The following C10orf71 variants were observed in gnomAD, a reference collection of about 807,000 sequenced individuals.
C10orf71 encodes cardiac-enriched FHL2-interacting protein.
For missense variants in C10orf71, 1,869 were observed against 1,804.5 expected (o/e 1.04, Z -0.65); for synonymous variants, 758 against 726.3 (o/e 1.04, Z -0.70).
At chr10:49,312,042 G>A (rs547202341) in intron 1 of C10orf71, among the ~76,000 whole-genome samples, 41 of 152,276 alleles carry the variant, frequency 2.7e-4, no homozygotes, top group African/African-American at 6.5e-4. Context: ...AGGGTATTTC[G>A]GTGCTTATCT....
At chr10:49,300,005 A>G (rs1200467859) in intron 1 of C10orf71, among the ~76,000 whole-genome samples, 1 of 152,228 alleles carries the variant, frequency 6.6e-6, no homozygotes, top group African/African-American at 2.4e-5. Flanking sequence ...CCCACAGGGT[A>G]TGCTTGACTG....
At chr10:49,306,489 G>A (rs529318305) in intron 1 of C10orf71, among the ~76,000 whole-genome samples, 2 of 152,328 alleles carry the variant, frequency 1.3e-5, no homozygotes, top group South Asian at 4.1e-4. Context: ...CCAGAATCCA[G>A]GGCAAGATGT....
chr10:49,323,261 C>A lies in C10orf71; in HGVS notation c.716C>A (p.Ala239Asp). The A allele has an allele frequency of 6.2e-7, 1 of 1,613,922 alleles. No homozygotes were observed. The highest frequency in any genetic ancestry group is 1.1e-5 in the South Asian group (1 of 91,060). Reference protein sequence around the residue: ...CHGSSSFLPAANDTATLCESK... With the variant: ...CHGSSSFLPADNDTATLCESK... The stretch of plus-strand genomic sequence containing the variant: ...GGCTCCAGCAGCTTCCTCCCAGCAG[C>A]CAATGACACGGCCACCTTATGTGAG... The change falls in exon 3 of 3, where the codon GCC becomes GAC. Residue 239 changes from alanine to aspartate, a missense_variant. Coordinates refer to ENST00000374144, the MANE Select transcript of C10orf71 (RefSeq NM_001135196.2).
rs532476559 is a variant in C10orf71, at chr10:49,316,263, A to G, written c.-145+16A>G. 1 of 152,158 alleles carries G rather than the reference A, an allele frequency of 6.6e-6. No individual in the cohort carries two copies. Among genetic ancestry groups the G allele is most frequent in the East Asian group, 1.9e-4 (1 of 5,172 alleles). The allele number at this position is 152,158 out of a possible 1,614,324, so 9.4% of individuals were successfully genotyped here. A position where few individuals can be genotyped will look rare whatever the true frequency, so the allele number is the denominator to read the frequency against. On this transcript the variant is annotated intron_variant, in intron 2 of 2. Coordinates refer to ENST00000374144, the MANE Select transcript of C10orf71 (RefSeq NM_001135196.2). ...GCTGTAACAGGTATGGAACTAATCTAAGAGTAGGCATCTAGAAACACCTTC... is the reference window on the plus strand; with the variant it reads ...GCTGTAACAGGTATGGAACTAATCTGAGAGTAGGCATCTAGAAACACCTTC...
intron 2 of C10orf71, among the ~76,000 whole-genome samples, chr10:49,318,589 C>T (rs1849038553): frequency 6.6e-6 from 1 of 152,220 alleles, no homozygotes; most frequent in African/African-American, 2.4e-5. Context: ...TTCACAGAAA[C>T]CAGTCAGTCT....
chr10:49,314,025 A>T (rs866518077), intron 1 of C10orf71, among the ~76,000 whole-genome samples: 1 of 152,184 alleles, frequency 6.6e-6, no homozygotes, highest in Non-Finnish European at 1.5e-5. Flanking sequence ...GAAGAGACTA[A>T]ACATCCAGAC....
intron 1 of C10orf71, among the ~76,000 whole-genome samples, chr10:49,310,776 A>AGATGAT (rs10661682): frequency 6.0e-4 from 89 of 148,896 alleles, no homozygotes; most frequent in South Asian, 2.0e-3. Flanking sequence ...TCAGGTAGCC[A>AGATGAT]GATGATGATG....
chr10:49,298,346 A>G (rs1023661179), upstream of C10orf71, among the ~76,000 whole-genome samples: 42 of 152,088 alleles, frequency 2.8e-4, no homozygotes, highest in East Asian at 3.9e-4. Flanking sequence ...AGAAAGGGGG[A>G]AAAAAACCCA....
Position 49,325,737 on chromosome 10 carries a change from G to T in C10orf71, c.3192G>T (p.Glu1064Asp). The T allele has an allele frequency of 1.0e-5, 16 of 1,551,492 alleles. No homozygotes were observed. The highest frequency in any genetic ancestry group is 1.4e-5 in the Non-Finnish European group (16 of 1,146,874). The change falls in exon 3 of 3, where the codon GAG becomes GAT. Residue 1064 changes from glutamate to aspartate, a missense_variant. Physicochemically the swap from Glu to Asp is conservative, Grantham distance 45 (BLOSUM62 2). Coordinates refer to ENST00000374144, the MANE Select transcript of C10orf71 (RefSeq NM_001135196.2). ...CCCCCAACCCCGGCTCCCCCGGGGA[G>T]AGCAGTGCCTGCTCCCCTGCTGCCA... ...ANSPNPGSPG[E>D]SSACSPAASN...
chr10:49,303,608 G>T (rs550650392), intron 1 of C10orf71, among the ~76,000 whole-genome samples: 3 of 152,350 alleles, frequency 2.0e-5, no homozygotes, highest in East Asian at 1.9e-4. Flanking sequence ...GAAGGGAAAG[G>T]GGGGCAAGGG....
rs368089056 is a variant in C10orf71, at chr10:49,327,292, C to T, written c.*439C>T. On this transcript the variant is annotated 3_prime_UTR_variant, in exon 3 of 3. Coordinates refer to ENST00000374144, the MANE Select transcript of C10orf71 (RefSeq NM_001135196.2). ...CTCCTTGATGAGCAAACCCCTAAGG[C>T]CCCCAGCTCAGACTCAGCAGGCATT... 1 of 279,302 alleles carries T rather than the reference C, an allele frequency of 3.6e-6. No individual in the cohort carries two copies. The highest frequency in any genetic ancestry group is 7.6e-6 in the Non-Finnish European group (1 of 132,190). 17.3% of individuals were successfully genotyped at this position (279,302 alleles called of 1,614,324 possible).
Position 49,325,081 on chromosome 10 carries a change from T to A in C10orf71, c.2536T>A (p.Ser846Thr). ...GGCCAAAGACCTTACTCCCTCACCA[T>A]CTTCTGCTTCAAACAGGCACATGCT... ...SQAKDLTPSP[S>T]SASNRHMLFT... The change falls in exon 3 of 3, where the codon TCT (serine) becomes ACT (threonine). Residue 846 changes from serine (S) to threonine (T), a missense_variant. Coordinates refer to ENST00000374144, the MANE Select transcript of C10orf71 (RefSeq NM_001135196.2). The A allele has an allele frequency of 6.4e-7, 1 of 1,551,798 alleles. No individual in the cohort carries two copies.
intron 1 of C10orf71, among the ~76,000 whole-genome samples, chr10:49,308,777 T>A (rs1197586462): frequency 6.6e-6 from 1 of 152,170 alleles, no homozygotes; most frequent in Non-Finnish European, 1.5e-5. Context: ...TAAGCTTAAG[T>A]CACGCTTACG....
In C10orf71 at chr10:49,324,119, A is replaced by T. The variant is rs368697466; in HGVS notation, c.1574A>T (p.Glu525Val). The T allele has an allele frequency of 6.2e-7, 1 of 1,613,990 alleles. No individual in the cohort carries two copies. The highest frequency in any genetic ancestry group is 8.5e-7 in the Non-Finnish European group (1 of 1,179,884). ...SSSPLLKVLD[E>V]KTRGKVDGKQ... ...TCACCTCTCTTGAAAGTGCTTGATG[A>T]GAAAACTAGAGGTAAGGTTGATGGA... Residue 525 changes from glutamate (E) to valine (V), a missense_variant, in exon 3 of 3, where the codon GAG becomes GTG. Physicochemically the swap from Glu to Val is moderately radical, Grantham distance 121. Coordinates refer to ENST00000374144, the MANE Select transcript of C10orf71 (RefSeq NM_001135196.2).
chr10:49,327,049 C>T lies in C10orf71; in HGVS notation c.*196C>T. On this transcript the variant is annotated 3_prime_UTR_variant, in exon 3 of 3. Coordinates refer to ENST00000374144, the MANE Select transcript of C10orf71 (RefSeq NM_001135196.2). Reference sequence around the variant, plus strand: ...AAGACGACCTCACCCAAAGGGCTCCCTGGCTCTCCTCTGATGGAGGGGCAC... The same window carrying T: ...AAGACGACCTCACCCAAAGGGCTCCTTGGCTCTCCTCTGATGGAGGGGCAC... The T allele has an allele frequency of 4.5e-6, 7 of 1,551,132 alleles. No individual in the cohort carries two copies. Among genetic ancestry groups the T allele is most frequent in the Non-Finnish European group, 6.1e-6 (7 of 1,144,564 alleles).
Position 49,323,992 on chromosome 10 carries a change from C to G in C10orf71, c.1447C>G (p.Pro483Ala), listed in dbSNP as rs201064215. The change falls in exon 3 of 3, where the codon CCC (proline) becomes GCC (alanine). Residue 483 changes from proline to alanine, a missense_variant. Transcript: ENST00000374144. Reference sequence around the variant, plus strand: ...GCTAAACGGATACCAAGAGAAGGAGCCCAGTGAATGTCAGTCTCGAGACAG... The same window carrying G: ...GCTAAACGGATACCAAGAGAAGGAGGCCAGTGAATGTCAGTCTCGAGACAG... ...GQLNGYQEKE[P>A]SECQSRDSYK... 25 of 1,613,446 alleles carry G rather than the reference C, an allele frequency of 1.5e-5. No individual in the cohort carries two copies. The highest frequency in any genetic ancestry group is 2.0e-5 in the Non-Finnish European group (24 of 1,179,718).
intron 2 of C10orf71, among the ~76,000 whole-genome samples, chr10:49,317,456 A>G (rs1849018423): frequency 1.3e-5 from 2 of 152,216 alleles, no homozygotes; most frequent in South Asian, 4.1e-4. Context: ...ATTACCTCAG[A>G]GTATGACCTT....
intron 1 of C10orf71, among the ~76,000 whole-genome samples, chr10:49,315,426 A>G (rs573105017): frequency 6.6e-6 from 1 of 152,270 alleles, no homozygotes; most frequent in East Asian, 1.9e-4. Flanking sequence ...TCCTGCCAAC[A>G]ATGAATCTAA....
chr10:49,310,006 C>T (rs950941049), intron 1 of C10orf71, among the ~76,000 whole-genome samples: 2 of 152,304 alleles, frequency 1.3e-5, no homozygotes, highest in South Asian at 2.1e-4. Context: ...ACCACACTAC[C>T]GGCAAGTGGT....
Sources: allele counts gnomAD v4.1 joint callset (sites outside exome capture counted in the v4.1 genomes callset), GRCh38; gene constraint gnomAD v4.1.1; transcripts MANE v1.5; gene names NCBI Gene and HGNC (gene_info 2026-07-23, HGNC 2026-07-21).